The following DYNC2H1 variants were observed in gnomAD, a reference collection of about 807,000 sequenced individuals.
DYNC2H1 encodes cytoplasmic dynein 2 heavy chain 1.
DYNC2H1 carries 410 observed loss-of-function variants against 570.0 expected under a neutral mutation model. That is an observed-to-expected ratio of 0.72 (90% CI 0.66 to 0.78). The LOEUF is 0.78. DYNC2H1 is among the 30% of genes least tolerant of loss of function. DYNC2H1 has a pLI of 0.00. For synonymous variants in DYNC2H1, 1,688 were observed against 1,677.6 expected (o/e 1.01, Z -0.15); for missense variants, 4,865 against 5,046.4 (o/e 0.96, Z 1.09).
At chr11:103,365,516 T>G (rs1940865608) in intron 83 of DYNC2H1, among the ~76,000 whole-genome samples, 1 of 152,236 alleles carries the variant, frequency 6.6e-6, no homozygotes, top group Non-Finnish European at 1.5e-5. Flanking sequence ...ACCTAAGTAC[T>G]TATATTCAGG....
At chr11:103,417,938 C>A (rs1943347732) in intron 84 of DYNC2H1, among the ~76,000 whole-genome samples, 2 of 147,212 alleles carry the variant, frequency 1.4e-5, no homozygotes, top group Admixed American at 6.8e-5. Flanking sequence ...AAAATTGTAA[C>A]ATTATCTCAA....
chr11:103,387,638 A>T (rs1376338395), intron 83 of DYNC2H1, among the ~76,000 whole-genome samples: 4 of 152,076 alleles, frequency 2.6e-5, no homozygotes, highest in African/African-American at 4.8e-5. Flanking sequence ...GTTTGAGGTC[A>T]AACATTTAAG....
At chr11:103,431,355 T>C (rs1027361886) in intron 84 of DYNC2H1, among the ~76,000 whole-genome samples, 18 of 152,230 alleles carry the variant, frequency 1.2e-4, no homozygotes, top group East Asian at 7.7e-4. Flanking sequence ...TAAATCATTA[T>C]AGAAATATTA....
chr11:103,234,920 T>C (rs551261918), intron 61 of DYNC2H1, among the ~76,000 whole-genome samples: 101 of 152,094 alleles, frequency 6.6e-4, no homozygotes, highest in Non-Finnish European at 4.7e-4. Flanking sequence ...ACTAAAAACA[T>C]GTGGGTTGTC....
intron 83 of DYNC2H1, among the ~76,000 whole-genome samples, chr11:103,385,890 G>C (rs538266424): frequency 1.3e-5 from 2 of 152,250 alleles, no homozygotes; most frequent in South Asian, 4.2e-4. Flanking sequence ...CTGTCTACTT[G>C]AATAGGATAA....
Position 103,439,355 on chromosome 11 carries a change from T to A in DYNC2H1, c.12456+3323T>A, listed in dbSNP as rs1226967807. Among the ~76,000 whole-genome samples, 2 of 151,834 alleles carry A rather than the reference T, an allele frequency of 1.3e-5. No homozygotes were observed. The highest frequency in any genetic ancestry group is 2.4e-5 in the African/African-American group (1 of 41,354). On this transcript the variant is annotated intron_variant, in intron 85 of 88. Coordinates refer to ENST00000375735, the MANE Select transcript of DYNC2H1 (RefSeq NM_001377.3). This position sits in a 1 kb window ranked among gnomAD's most constrained non-coding sequence, Gnocchi z 4.1. ...AGTTATTGAAATTTTGTAAAAAAAA[T>A]TAATAAAAAGTAAGCATTGTGGTTT...
At chr11:103,390,379 G>A (rs1363371412) in intron 83 of DYNC2H1, among the ~76,000 whole-genome samples, 1 of 149,708 alleles carries the variant, frequency 6.7e-6, no homozygotes, top group East Asian at 2.0e-4. Flanking sequence ...TTTATTTTGA[G>A]TCTATATGTG....
rs1420189681 is a variant in DYNC2H1, at chr11:103,264,552, A to T, written c.10695+4575A>T. 6.6e-6 allele frequency among the ~76,000 whole-genome samples: 1 copy of T among 152,208 alleles called. No individual in the cohort carries two copies. Among genetic ancestry groups the T allele is most frequent in the East Asian group, 1.9e-4 (1 of 5,200 alleles). On this transcript the variant is annotated intron_variant, in intron 70 of 88. Coordinates refer to ENST00000375735, the MANE Select transcript of DYNC2H1 (RefSeq NM_001377.3). This position sits in a 1 kb window ranked among gnomAD's most constrained non-coding sequence, Gnocchi z 4.8. The stretch of plus-strand genomic sequence containing the variant: ...CCTGGTTCAACATATGCAAATCAAT[A>T]AATATAATCCATGACATGAACAGAA...
At position 103,412,130 on chromosome 11, in the gene DYNC2H1, T is replaced by C. The variant is rs193091231; in HGVS notation, c.12366+12258T>C. Among the ~76,000 whole-genome samples the C allele has an allele frequency of 2.6e-5, 4 of 151,794 alleles. No homozygotes were observed. The East Asian group carries it at 7.8e-4, about 30-fold the overall frequency. ...TGAGAATTCAGTACTACCCCATTTA[T>C]TTCAAAATAAAAGTTAAATTTTTGT... On this transcript the variant is annotated intron_variant, in intron 84 of 88. Coordinates refer to ENST00000375735, the MANE Select transcript of DYNC2H1 (RefSeq NM_001377.3).
intron 31 of DYNC2H1, among the ~76,000 whole-genome samples, chr11:103,166,777 T>C (rs1287807358): frequency 6.6e-6 from 1 of 152,090 alleles, no homozygotes; most frequent in African/African-American, 2.4e-5. Flanking sequence ...TTTCAGTAGT[T>C]TGATTATGAT....
intron 87 of DYNC2H1, among the ~76,000 whole-genome samples, chr11:103,462,668 A>G (rs1166810650): frequency 1.3e-5 from 2 of 152,200 alleles, no homozygotes; most frequent in African/African-American, 2.4e-5. Flanking sequence ...TTTTCATTTA[A>G]ACTGGGAATA....
chr11:103,419,131 C>G (rs1208119279), intron 84 of DYNC2H1, among the ~76,000 whole-genome samples: 1 of 152,196 alleles, frequency 6.6e-6, no homozygotes, highest in Non-Finnish European at 1.5e-5. Flanking sequence ...TGGAGTCTGC[C>G]TGAGGCAGGA....
At chr11:103,160,840 T>C (rs1292094679) in intron 28 of DYNC2H1, 92 bp from the exon 29 acceptor site, 1 of 587,788 alleles carries the variant, frequency 1.7e-6, no homozygotes, top group Non-Finnish European at 2.8e-6. Flanking sequence ...ATATATGTTT[T>C]AGGGTATATA....
rs1262880045 is a variant in DYNC2H1, at chr11:103,181,946, C to G, written c.6477+60C>G. The G allele has an allele frequency of 1.3e-6, 2 of 1,526,836 alleles. No homozygotes were observed. The highest frequency in any genetic ancestry group is 2.8e-5 in the African/African-American group (2 of 72,200). The allele number at this position is 1,526,836 out of a possible 1,614,324, so 94.6% of individuals were successfully genotyped here. ...GTGAGAAGTATGATTAAGAGTGATG[C>G]TTATTTTAACTTCCTTGTGGTAGAA... On this transcript the variant is annotated intron_variant, in intron 40 of 88. Transcript: ENST00000375735. The surrounding 1 kb of genome is among the most constrained non-coding windows in gnomAD (Gnocchi z 5.0).
At chr11:103,212,992 TA>T (rs1863216725) in intron 54 of DYNC2H1, among the ~76,000 whole-genome samples, 1 of 152,184 alleles carries the variant, frequency 6.6e-6, no homozygotes, top group South Asian at 2.1e-4. Context: ...AGTTATTAAT[TA>T]CATTCCTTTT....
chr11:103,255,700 G>A (rs1388600069), intron 67 of DYNC2H1, among the ~76,000 whole-genome samples, 166 bp downstream of exon 67: 4 of 151,428 alleles, frequency 2.6e-5, no homozygotes, highest in African/African-American at 7.3e-5. Flanking sequence ...GCTATGTTTT[G>A]GAATACAAGA....
At chr11:103,475,972 G>A (rs1225120403) in intron 88 of DYNC2H1, among the ~76,000 whole-genome samples, 2 of 152,068 alleles carry the variant, frequency 1.3e-5, no homozygotes, top group Admixed American at 6.6e-5. Context: ...ATCAGGTGTT[G>A]GAAAAAGATA....
chr11:103,399,997 T>C, intron 84 of DYNC2H1, 125 bp downstream of exon 84: 1 of 754,168 alleles, frequency 1.3e-6, no homozygotes, highest in Non-Finnish European at 2.1e-6. Flanking sequence ...GCTTAAGCCA[T>C]ATAAAAATTA....
At chr11:103,364,127 T>C (rs1308506203) in intron 83 of DYNC2H1, among the ~76,000 whole-genome samples, 1 of 152,222 alleles carries the variant, frequency 6.6e-6, no homozygotes, top group African/African-American at 2.4e-5. Context: ...TTACATAATG[T>C]GAATACTATT....
Sources: allele counts gnomAD v4.1 joint callset (sites outside exome capture counted in the v4.1 genomes callset), GRCh38; gene constraint gnomAD v4.1.1; non-coding constraint Gnocchi (gnomAD v3.1); transcripts MANE v1.5; gene names NCBI Gene and HGNC (gene_info 2026-07-23, HGNC 2026-07-21).